SAMD5: variants seen among roughly 807,000 people sequenced by gnomAD.
SAMD5 encodes the protein sterile alpha motif domain containing 5.
Under a neutral mutation model 11.3 loss-of-function variants are expected in SAMD5, and 13 were observed. That is an observed-to-expected ratio of 1.15 (90% CI 0.75 to 1.83). The LOEUF is 1.83. SAMD5 is among the 40% of genes most tolerant of loss of function. The pLI is 0.00. For missense variants in SAMD5, 255 were observed against 239.1 expected (o/e 1.07, Z -0.44); for synonymous variants, 129 against 111.3 (o/e 1.16, Z -1.00).
intron 1 of SAMD5, among the ~76,000 whole-genome samples, chr6:147,546,358 C>T (rs1201169898): frequency 2.6e-5 from 4 of 152,080 alleles, no homozygotes; most frequent in Admixed American, 6.5e-5. Context: ...GGAGAAATCC[C>T]ATCTCTACTA....
At chr6:147,802,362 C>T in the SAMD5 span, among the ~76,000 whole-genome samples, 5 of 150,938 alleles carry the variant, frequency 3.3e-5, no homozygotes, top group East Asian at 1.9e-4. Context: ...AAATGAAAAC[C>T]ACTGTGAAAA....
At chr6:147,643,158 TA>T (rs1274768364) in intron 1 of SAMD5, among the ~76,000 whole-genome samples, 4 of 152,212 alleles carry the variant, frequency 2.6e-5, no homozygotes, top group Non-Finnish European at 5.9e-5. Flanking sequence ...CATGTGAAAT[TA>T]TTGGTGAATC....
Position 147,564,748 on chromosome 6 carries a change from T to C in SAMD5, c.*292T>C. On this transcript the variant is annotated 3_prime_UTR_variant, in exon 2 of 2. Coordinates refer to ENST00000367474, the MANE Select transcript of SAMD5 (RefSeq NM_001030060.3). ...CTTATGCATTTCTTGGCATTCTCCC[T>C]TCCATTCTTAATGAAAACAGATGAG... The C allele has an allele frequency of 1.9e-6, 2 of 1,053,470 alleles. No individual in the cohort carries two copies. The highest frequency in any genetic ancestry group is 2.3e-6 in the Non-Finnish European group (2 of 874,300). The allele number at this position is 1,053,470 out of a possible 1,614,324, so 65.3% of individuals were successfully genotyped here.
intron 1 of SAMD5, among the ~76,000 whole-genome samples, chr6:147,694,349 G>A (rs1174166401): frequency 6.6e-6 from 1 of 152,064 alleles, no homozygotes; most frequent in Non-Finnish European, 1.5e-5. Context: ...TTGTGAAGTG[G>A]CCCCTCATGA....
chr6:147,908,218 T>C, the SAMD5 span, among the ~76,000 whole-genome samples: 1 of 152,216 alleles, frequency 6.6e-6, no homozygotes, highest in Non-Finnish European at 1.5e-5. Context: ...GACTCTATTA[T>C]GGAACCTCTA....
chr6:147,817,356 A>G, the SAMD5 span, among the ~76,000 whole-genome samples: 1 of 152,238 alleles, frequency 6.6e-6, no homozygotes, highest in Admixed American at 6.5e-5. Context: ...AAATCTGACA[A>G]CTTCCTGATA....
intron 1 of SAMD5, among the ~76,000 whole-genome samples, chr6:147,559,911 T>C (rs994571411): frequency 5.9e-5 from 9 of 152,172 alleles, no homozygotes; most frequent in African/African-American, 1.9e-4. Context: ...GCCTTCCCCA[T>C]TGTAGAAGCC....
At chr6:147,526,478 A>C (rs895946041) in intron 1 of SAMD5, among the ~76,000 whole-genome samples, 1 of 152,212 alleles carries the variant, frequency 6.6e-6, no homozygotes, top group Admixed American at 6.5e-5. Flanking sequence ...GCATCATATG[A>C]ATGCCAAAAT....
At chr6:147,659,216 C>G (rs531546160) in intron 1 of SAMD5, among the ~76,000 whole-genome samples, 8 of 151,790 alleles carry the variant, frequency 5.3e-5, no homozygotes, top group African/African-American at 1.9e-4. Context: ...AATGAGTTTC[C>G]TAATCAAGTA....
At chr6:147,636,432 T>G (rs1056162304) in intron 1 of SAMD5, among the ~76,000 whole-genome samples, 4 of 152,144 alleles carry the variant, frequency 2.6e-5, no homozygotes, top group African/African-American at 9.7e-5. Context: ...AATTAGAATC[T>G]CTCCCAGTAA....
rs890773784 is a variant in SAMD5, at chr6:147,611,482, G to A, written c.162+102095G>A. Among the ~76,000 whole-genome samples the A allele has an allele frequency of 1.7e-4, 26 of 152,154 alleles. No individual in the cohort carries two copies. In the South Asian group the frequency reaches 5.2e-3, roughly 30 times the overall value. On this transcript the variant is annotated intron_variant, in intron 1 of 1. Coordinates refer to the SAMD5 transcript ENST00000566741. ...GGAGGCTGAGGCAGGAGAATCGCTTGAGCCCAGGATGCGGAGGTTGCAGTG... is the reference window on the plus strand; with the variant it reads ...GGAGGCTGAGGCAGGAGAATCGCTTAAGCCCAGGATGCGGAGGTTGCAGTG...
rs78601835 is a variant in SAMD5 at position 147,567,980 on chromosome 6, G to T, written c.*3524G>T. The T allele has an allele frequency of 6.7e-3, 6,569 of 985,612 alleles. 352 individuals are homozygous for T. The African/African-American group carries it at 0.11, about 16-fold the overall frequency. 61.1% of individuals were successfully genotyped at this position (985,612 alleles called of 1,614,324 possible). A position where few individuals can be genotyped will look rare whatever the true frequency, so the allele number is the denominator to read the frequency against. Reference sequence around the variant, plus strand: ...ATAAAGGCCAGCAGTTTTCAAGTCTGGGGAAATAGGCACATGGACAGATTA... The same window carrying T: ...ATAAAGGCCAGCAGTTTTCAAGTCTTGGGAAATAGGCACATGGACAGATTA... On this transcript the variant is annotated 3_prime_UTR_variant, in exon 2 of 2. Coordinates refer to ENST00000367474, the MANE Select transcript of SAMD5 (RefSeq NM_001030060.3).
intron 1 of SAMD5, among the ~76,000 whole-genome samples, chr6:147,626,573 T>G (rs1363015082): frequency 6.6e-6 from 1 of 151,668 alleles, no homozygotes; most frequent in Non-Finnish European, 1.5e-5. Flanking sequence ...CCTTTCAGTT[T>G]TCAGATTTCT....
At chr6:147,825,296 C>CA in the SAMD5 span, among the ~76,000 whole-genome samples, 2 of 151,766 alleles carry the variant, frequency 1.3e-5, no homozygotes, top group East Asian at 3.9e-4. Context: ...GACTCCGTCT[C>CA]AAAAAACAAA....
the SAMD5 span, among the ~76,000 whole-genome samples, chr6:147,745,622 C>A: frequency 2.6e-4 from 40 of 152,156 alleles, no homozygotes; most frequent in Non-Finnish European, 5.1e-4. Flanking sequence ...GAGTGCCATT[C>A]TCACAAACAG....
At chr6:147,949,923 G>A in the SAMD5 span, among the ~76,000 whole-genome samples, 6 of 152,182 alleles carry the variant, frequency 3.9e-5, no homozygotes, top group South Asian at 1.0e-3. Context: ...GAAATGCATT[G>A]TAATTAATTT....
chr6:147,582,344 A>T (rs1416016163), intron 1 of SAMD5, among the ~76,000 whole-genome samples: 1 of 152,074 alleles, frequency 6.6e-6, no homozygotes, highest in Non-Finnish European at 1.5e-5. Context: ...CCAAAAAAAA[A>T]AAAGGAAAGG....
chr6:147,523,646 A>G (rs1788289784), intron 1 of SAMD5, among the ~76,000 whole-genome samples: 1 of 152,252 alleles, frequency 6.6e-6, no homozygotes, highest in South Asian at 2.1e-4. Flanking sequence ...AGAAAGTAAT[A>G]AAACTAAAGA....
chr6:147,729,053 C>T (rs1791669780), intron 1 of SAMD5, among the ~76,000 whole-genome samples: 1 of 152,186 alleles, frequency 6.6e-6, no homozygotes, highest in African/African-American at 2.4e-5. Context: ...ATCATGGTGC[C>T]AGCAGGGTTG....
Sources: gnomAD v4.1 joint callset for allele counts (sites outside exome capture counted in the v4.1 genomes callset) on GRCh38, gnomAD v4.1.1 for gene constraint, MANE v1.5 for transcripts, NCBI Gene and HGNC (gene_info 2026-07-23, HGNC 2026-07-21) for gene names.